Variants in RNF150 observed in about 807,000 individuals in gnomAD.
RNF150 encodes the protein ring finger protein 150.
A neutral mutation model predicts 39.3 loss-of-function variants in RNF150; 24 were observed. The ratio of observed to expected loss-of-function variants is 0.61; its 90% confidence interval spans 0.44 to 0.86. RNF150 has a LOEUF of 0.86. RNF150 is among the 40% of genes least tolerant of loss of function. RNF150 has a pLI of 0.00. For missense variants in RNF150, 502 were observed against 587.8 expected (o/e 0.85, Z 1.51); for synonymous variants, 255 against 227.3 (o/e 1.12, Z -1.10).
intron 1 of RNF150, chr4:140,997,175 AC>A (rs1420079053): frequency 6.6e-6 from 1 of 152,246 alleles, no homozygotes; most frequent in Admixed American, 6.5e-5. Context: ...AATAATGTAT[AC>A]AGGTGATTAC....
chr4:141,004,743 T>G (rs1560682829), intron 1 of RNF150, among the ~76,000 whole-genome samples: 1 of 152,182 alleles, frequency 6.6e-6, no homozygotes, highest in Non-Finnish European at 1.5e-5. Flanking sequence ...ACATATGGAC[T>G]TCAAGGTTAG....
intron 1 of RNF150, among the ~76,000 whole-genome samples, chr4:141,151,709 T>C (rs1727306197): frequency 6.6e-6 from 1 of 152,132 alleles, no homozygotes; most frequent in South Asian, 2.1e-4. Context: ...AAATATTATT[T>C]TGTGGCTTCT....
At chr4:141,143,361 A>G (rs2111128855) in intron 1 of RNF150, among the ~76,000 whole-genome samples, 1 of 152,276 alleles carries the variant, frequency 6.6e-6, no homozygotes, top group East Asian at 1.9e-4. Context: ...ACTCCAGCTA[A>G]GAGTTTTTTA....
intron 1 of RNF150, among the ~76,000 whole-genome samples, chr4:141,156,713 G>A (rs1727407245): frequency 7.9e-6 from 1 of 127,088 alleles, no homozygotes; most frequent in Non-Finnish European, 1.6e-5. Flanking sequence ...GACCAATATG[G>A]CAAAACCCTG....
At chr4:140,999,404 C>T (rs1284288574) in intron 1 of RNF150, among the ~76,000 whole-genome samples, 1 of 152,188 alleles carries the variant, frequency 6.6e-6, no homozygotes, top group Non-Finnish European at 1.5e-5. Context: ...CTAGCTGAAG[C>T]ACTGATGCAT....
Position 140,867,415 on chromosome 4 carries a change from G to C in RNF150, c.*846C>G, listed in dbSNP as rs934763133. 1 of 152,190 alleles carries C rather than the reference G, an allele frequency of 6.6e-6. No individual in the cohort carries two copies. The highest frequency in any genetic ancestry group is 1.5e-5 in the Non-Finnish European group (1 of 68,034). 9.4% of individuals were successfully genotyped at this position (152,190 alleles called of 1,614,324 possible). A position where few individuals can be genotyped will look rare whatever the true frequency, so the allele number is the denominator to read the frequency against. On this transcript the variant is annotated 3_prime_UTR_variant, in exon 7 of 7. Coordinates refer to ENST00000515673, the MANE Select transcript of RNF150 (RefSeq NM_020724.2). ...CCAGCCCTACAACCACCAAAGACTG[G>C]ATGCCTTGGAGGGGACTTCTGAGTT...
chr4:140,976,662 T>C (rs1031277641), intron 1 of RNF150, among the ~76,000 whole-genome samples: 8 of 151,804 alleles, frequency 5.3e-5, no homozygotes, highest in Admixed American at 2.0e-4. Context: ...CTACTTTCTA[T>C]CCATCAACCC....
At chr4:141,079,543 A>T (rs1738068767) in intron 1 of RNF150, among the ~76,000 whole-genome samples, 1 of 152,154 alleles carries the variant, frequency 6.6e-6, no homozygotes, top group African/African-American at 2.4e-5. Flanking sequence ...ATAATATGTA[A>T]GGTGCTTACA....
intron 6 of RNF150, among the ~76,000 whole-genome samples, chr4:140,872,622 A>G (rs1429001310): frequency 6.6e-6 from 1 of 152,254 alleles, no homozygotes; most frequent in Non-Finnish European, 1.5e-5. Context: ...GACAAATCAA[A>G]GAATGATTTT....
intron 1 of RNF150, among the ~76,000 whole-genome samples, chr4:141,063,267 G>A (rs540426673): frequency 8.4e-4 from 128 of 152,290 alleles, no homozygotes; most frequent in African/African-American, 3.0e-3. Flanking sequence ...TCTGAATTAA[G>A]CAGATGTTAT....
intron 1 of RNF150, among the ~76,000 whole-genome samples, chr4:141,046,297 A>C (rs975056929): frequency 2.6e-5 from 4 of 152,172 alleles, no homozygotes; most frequent in Non-Finnish European, 5.9e-5. Context: ...ACCTACATAG[A>C]TACTAACACT....
At chr4:141,001,570 A>G (rs73860204) in intron 1 of RNF150, among the ~76,000 whole-genome samples, 11,395 of 152,194 alleles carry the variant, frequency 0.075, 478 homozygotes, top group Middle Eastern at 0.16. Flanking sequence ...GCTCTTGACA[A>G]AATATATTTT....
rs1466652100 is a variant in RNF150 at position 140,872,159 on chromosome 4, A to C, written c.1199-3780T>G. On this transcript the variant is annotated intron_variant, in intron 6 of 6. Transcript: ENST00000515673. ...TTTACTTTGAGGCTACAATAATACG[A>C]ATGAAAACTTTGTCAGCAAACTATT... 2.0e-5 allele frequency among the ~76,000 whole-genome samples: 3 copies of C among 152,228 alleles called. No homozygotes were observed. In the East Asian group the frequency reaches 5.8e-4, roughly 29 times the overall value.
intron 1 of RNF150, among the ~76,000 whole-genome samples, chr4:141,191,169 G>T (rs1164358709): frequency 6.6e-6 from 1 of 152,208 alleles, no homozygotes; most frequent in Non-Finnish European, 1.5e-5. Flanking sequence ...CTTTCTGGAT[G>T]GTGACCGCTA....
chr4:141,133,049 G>A lies in RNF150; in HGVS notation c.-241C>T, dbSNP rs894498032. 159 of 426,296 alleles carry A rather than the reference G, an allele frequency of 3.7e-4. 1 individual carries two copies. The East Asian group carries it at 7.7e-3, about 21-fold the overall frequency. 26.4% of individuals were successfully genotyped at this position (426,296 alleles called of 1,614,324 possible). ...GTTGCATTTTGCTTCTTGGGCGCCC[G>A]GGGGGCGCGGGAACAGAGGGCCCGC... is the stretch of plus-strand genomic sequence containing the variant. On this transcript the variant is annotated 5_prime_UTR_variant, in exon 1 of 7. Coordinates refer to ENST00000515673, the MANE Select transcript of RNF150 (RefSeq NM_020724.2).
At chr4:140,917,417 C>T (rs533902876) in intron 5 of RNF150, among the ~76,000 whole-genome samples, 38 of 152,096 alleles carry the variant, frequency 2.5e-4, no homozygotes, top group African/African-American at 9.2e-4. Context: ...AGACTTTAAA[C>T]CAACAAAGAT....
At chr4:140,961,512 C>T (rs1733024336) in intron 2 of RNF150, among the ~76,000 whole-genome samples, 1 of 152,096 alleles carries the variant, frequency 6.6e-6, no homozygotes, top group East Asian at 1.9e-4. Flanking sequence ...TTCTGAAGGA[C>T]AATAATGCTT....
intron 1 of RNF150, among the ~76,000 whole-genome samples, chr4:140,983,462 T>C (rs940957997): frequency 6.6e-6 from 1 of 152,158 alleles, no homozygotes; most frequent in Non-Finnish European, 1.5e-5. Flanking sequence ...TAACTGCATG[T>C]CTTTTTTGAT....
intron 1 of RNF150, among the ~76,000 whole-genome samples, chr4:141,170,047 G>C (rs1727672607): frequency 6.6e-6 from 1 of 152,108 alleles, no homozygotes; most frequent in Non-Finnish European, 1.5e-5. Context: ...CTAAACATGA[G>C]TCTAGATTTA....
Sources: gnomAD v4.1 joint callset for allele counts (sites outside exome capture counted in the v4.1 genomes callset) on GRCh38, gnomAD v4.1.1 for gene constraint, MANE v1.5 for transcripts, NCBI Gene and HGNC (gene_info 2026-07-23, HGNC 2026-07-21) for gene names.